HOMER1: variants seen among roughly 807,000 people sequenced by gnomAD.
HOMER1 encodes the protein homer protein homolog 1.
In HOMER1, 3 loss-of-function variants were observed where a neutral mutation model predicts 48.9. The observed-to-expected ratio is 0.06, with a 90% confidence interval of 0.03 to 0.16. The LOEUF (loss-of-function observed/expected upper bound fraction) is 0.16, where lower values mean the gene tolerates loss of function less well. HOMER1 is among the 10% of genes least tolerant of loss of function. The pLI is 1.00. For missense variants in HOMER1, 247 were observed against 411.4 expected (o/e 0.60, Z 3.46); for synonymous variants, 134 against 146.4 (o/e 0.92, Z 0.61).
intron 1 of HOMER1, among the ~76,000 whole-genome samples, chr5:79,457,524 C>G (rs1751206197): frequency 6.6e-6 from 1 of 152,150 alleles, no homozygotes; most frequent in South Asian, 2.1e-4. Flanking sequence ...TGAAGTGTTC[C>G]CAGATGCTAG....
intron 8 of HOMER1, among the ~76,000 whole-genome samples, chr5:79,385,262 A>G (rs1358909519): frequency 1.3e-5 from 2 of 152,176 alleles, no homozygotes; most frequent in Non-Finnish European, 2.9e-5. Context: ...GACAAATGGG[A>G]CTATATTAAA....
chr5:79,497,195 C>T (rs1252679328), intron 1 of HOMER1, among the ~76,000 whole-genome samples: 11 of 151,782 alleles, frequency 7.2e-5, no homozygotes, highest in African/African-American at 2.7e-4. Flanking sequence ...CAGAAAACTT[C>T]AGAAGTCAAA....
intron 3 of HOMER1, among the ~76,000 whole-genome samples, chr5:79,447,677 T>G (rs1461259490): frequency 2.0e-5 from 3 of 152,194 alleles, no homozygotes; most frequent in Non-Finnish European, 4.4e-5. Flanking sequence ...TTCCGAAGAT[T>G]CCTAAATAGC....
chr5:79,477,118 T>C (rs1263326468), intron 1 of HOMER1, among the ~76,000 whole-genome samples: 1 of 152,156 alleles, frequency 6.6e-6, no homozygotes, highest in East Asian at 1.9e-4. Flanking sequence ...TTATAGAGTC[T>C]GTAACAAAGA....
intron 5 of HOMER1, among the ~76,000 whole-genome samples, chr5:79,416,776 T>C (rs1749954736): frequency 6.6e-6 from 1 of 152,234 alleles, no homozygotes; most frequent in African/African-American, 2.4e-5. Context: ...CGCTGCTGGT[T>C]TCTACCCATG....
At chr5:79,423,284 C>G (rs1158313227) in intron 5 of HOMER1, among the ~76,000 whole-genome samples, 2 of 152,096 alleles carry the variant, frequency 1.3e-5, no homozygotes, top group Non-Finnish European at 2.9e-5. Context: ...AATCCATCCC[C>G]AAGTATAGAA....
chr5:79,480,379 G>A (rs1751914211), intron 1 of HOMER1, among the ~76,000 whole-genome samples: 1 of 152,144 alleles, frequency 6.6e-6, no homozygotes, highest in African/African-American at 2.4e-5. Flanking sequence ...CTTGTTGGAG[G>A]AGGGGGCAGT....
intron 2 of HOMER1, 32 bp downstream of exon 2, chr5:79,456,830 C>A: frequency 6.3e-7 from 1 of 1,590,614 alleles, no homozygotes; most frequent in Non-Finnish European, 8.6e-7. Context: ...AAAGCAAAAC[C>A]AGCCAAATCA....
At chr5:79,478,707 T>C (rs1751859160) in intron 1 of HOMER1, among the ~76,000 whole-genome samples, 1 of 151,940 alleles carries the variant, frequency 6.6e-6, no homozygotes, top group East Asian at 1.9e-4. Flanking sequence ...ATCCCAGCAC[T>C]TTGGGAAGCT....
At chr5:79,435,170 C>T (rs1302653473) in intron 5 of HOMER1, among the ~76,000 whole-genome samples, 1 of 151,718 alleles carries the variant, frequency 6.6e-6, no homozygotes, top group Non-Finnish European at 1.5e-5. Flanking sequence ...TTCTCTAAAG[C>T]TAAGTAACTT....
At chr5:79,499,626 A>G (rs1375710174) in intron 1 of HOMER1, among the ~76,000 whole-genome samples, 1 of 152,246 alleles carries the variant, frequency 6.6e-6, no homozygotes, top group Non-Finnish European at 1.5e-5. Flanking sequence ...ATTTACTACC[A>G]TAAAATAATA....
chr5:79,418,077 T>C (rs1013371633), intron 5 of HOMER1, among the ~76,000 whole-genome samples: 5 of 152,230 alleles, frequency 3.3e-5, no homozygotes, highest in African/African-American at 1.2e-4. Context: ...TCAAAGGATA[T>C]AACATCGAAT....
intron 2 of HOMER1, 23 bp from the exon 3 acceptor site, chr5:79,451,144 G>C: frequency 6.2e-7 from 1 of 1,603,336 alleles, no homozygotes; most frequent in South Asian, 1.1e-5. Context: ...GCAAGTATGA[G>C]CAACCAGCAA....
intron 1 of HOMER1, among the ~76,000 whole-genome samples, chr5:79,459,342 T>C (rs959556531): frequency 1.3e-5 from 2 of 152,224 alleles, no homozygotes; most frequent in African/African-American, 4.8e-5. Flanking sequence ...GTCATACATT[T>C]AATTAATCCA....
chr5:79,430,390 T>C (rs1750390197), intron 5 of HOMER1, among the ~76,000 whole-genome samples: 1 of 152,134 alleles, frequency 6.6e-6, no homozygotes, highest in Non-Finnish European at 1.5e-5. Context: ...GCTGATGACA[T>C]GGAGAAATCA....
At chr5:79,454,005 A>G (rs1200519449) in intron 2 of HOMER1, among the ~76,000 whole-genome samples, 1 of 152,254 alleles carries the variant, frequency 6.6e-6, no homozygotes, top group East Asian at 1.9e-4. Context: ...ACTCTGCTAC[A>G]GAAGATAGAT....
chr5:79,405,410 T>A (rs558609166), intron 5 of HOMER1, among the ~76,000 whole-genome samples: 3 of 152,324 alleles, frequency 2.0e-5, no homozygotes, highest in East Asian at 3.9e-4. Context: ...CATAATTTTT[T>A]AAACCCACAT....
chr5:79,423,397 C>T (rs1455387018), intron 5 of HOMER1, among the ~76,000 whole-genome samples: 2 of 152,144 alleles, frequency 1.3e-5, no homozygotes, highest in African/African-American at 4.8e-5. Context: ...TACTATGAAG[C>T]TATGCGGTCT....
At chr5:79,410,886 T>G (rs1213019214) in intron 5 of HOMER1, among the ~76,000 whole-genome samples, 1 of 152,014 alleles carries the variant, frequency 6.6e-6, no homozygotes, top group African/African-American at 2.4e-5. Flanking sequence ...TTTGGTTTCT[T>G]TTTTATAGGT....
Sources: gnomAD v4.1 joint callset for allele counts (sites outside exome capture counted in the v4.1 genomes callset) on GRCh38, gnomAD v4.1.1 for gene constraint, MANE v1.5 for transcripts, NCBI Gene and HGNC (gene_info 2026-07-23, HGNC 2026-07-21) for gene names.